Variants in FSTL5 observed in about 807,000 individuals in gnomAD.
FSTL5 encodes the protein follistatin like 5.
Under a neutral mutation model 89.1 loss-of-function variants are expected in FSTL5, and 62 were observed. The observed-to-expected ratio is 0.70, with a 90% CI of 0.57 to 0.86. FSTL5 has a LOEUF of 0.86. Among genes scored for constraint, FSTL5 ranks in the 40% least tolerant of loss-of-function variants. FSTL5 has a pLI of 0.00. For synonymous variants in FSTL5, 383 were observed against 346.2 expected, an observed-to-expected ratio of 1.11 and a Z score of -1.18; for missense variants, 1,057 against 1,001.6, an observed-to-expected ratio of 1.06 and a Z score of -0.75.
At chr4:162,141,585 T>C (rs1404921605) in intron 1 of FSTL5, among the ~76,000 whole-genome samples, 1 of 152,112 alleles carries the variant, frequency 6.6e-6, no homozygotes, top group African/African-American at 2.4e-5. Flanking sequence ...CTTCGTATTA[T>C]CCAGGCTTGG....
At chr4:162,050,809 T>C (rs1738354198) in intron 2 of FSTL5, among the ~76,000 whole-genome samples, 1 of 151,286 alleles carries the variant, frequency 6.6e-6, no homozygotes, top group South Asian at 2.1e-4. Context: ...GATGGGAAGA[T>C]ATAAATGTTA....
intron 6 of FSTL5, among the ~76,000 whole-genome samples, chr4:161,684,366 T>C (rs563881698): frequency 1.3e-5 from 2 of 152,184 alleles, no homozygotes; most frequent in African/African-American, 4.8e-5. Flanking sequence ...CTTTCCATAG[T>C]GGTTGTACTA....
chr4:161,912,517 G>T (rs1439617523), intron 4 of FSTL5, among the ~76,000 whole-genome samples: 2 of 152,012 alleles, frequency 1.3e-5, no homozygotes, highest in African/African-American at 2.4e-5. Context: ...TTCTCTTGCC[G>T]CTGCCATGTA....
At chr4:162,163,050 A>G (rs1456843395) in intron 1 of FSTL5, among the ~76,000 whole-genome samples, 2 of 152,138 alleles carry the variant, frequency 1.3e-5, no homozygotes, top group Non-Finnish European at 2.9e-5. Flanking sequence ...CTGCATAACA[A>G]CACATCTAAA....
At chr4:161,953,051 A>G (rs1734939632) in intron 3 of FSTL5, among the ~76,000 whole-genome samples, 1 of 151,746 alleles carries the variant, frequency 6.6e-6, no homozygotes, top group Non-Finnish European at 1.5e-5. Flanking sequence ...TTAGACATTT[A>G]TGTTCCTGAA....
chr4:161,712,850 C>T (rs1738846147), intron 6 of FSTL5, among the ~76,000 whole-genome samples: 1 of 151,682 alleles, frequency 6.6e-6, no homozygotes, highest in African/African-American at 2.4e-5. Context: ...CCCTCTCTCT[C>T]GTTCCCTTTC....
At position 161,753,636 on chromosome 4, in the gene FSTL5, G is replaced by A. The variant is rs116341009; in HGVS notation, c.727+5775C>T. 7.6e-3 allele frequency among the ~76,000 whole-genome samples: 1,152 copies of A among 152,112 alleles called. 7 individuals carry two copies. Among genetic ancestry groups the A allele is most frequent in the Non-Finnish European group, 0.011 (733 of 67,992 alleles). ...TGCTAATGTAATATTCATTTTTATT[G>A]TTCTAATTATTAGAAGCTTTCGATA... On this transcript the variant is annotated intron_variant, in intron 6 of 15. Transcript: ENST00000306100.
intron 2 of FSTL5, among the ~76,000 whole-genome samples, chr4:162,091,447 A>G (rs1730546453): frequency 2.6e-5 from 4 of 152,026 alleles, no homozygotes; most frequent in Admixed American, 2.6e-4. Flanking sequence ...AGTATACCCA[A>G]CTCAGTCTGA....
intron 2 of FSTL5, among the ~76,000 whole-genome samples, chr4:162,090,482 A>G (rs912026926): frequency 1.8e-4 from 27 of 152,132 alleles, no homozygotes; most frequent in Non-Finnish European, 1.6e-4. Context: ...CAAGCATGTG[A>G]AATAAAAGCT....
chr4:161,825,106 T>C (rs144879675), intron 4 of FSTL5, among the ~76,000 whole-genome samples: 7,153 of 152,310 alleles, frequency 0.047, 214 homozygotes, highest in Non-Finnish European at 0.07. Context: ...CATAAAGGGA[T>C]GCTGGATTTT....
At chr4:162,004,456 C>T (rs570540851) in intron 3 of FSTL5, among the ~76,000 whole-genome samples, 25 of 152,294 alleles carry the variant, frequency 1.6e-4, no homozygotes, top group Middle Eastern at 3.4e-3. Context: ...CTCCACTTCA[C>T]TCAAAATGAT....
chr4:161,556,846 G>GTATATATATATATATATATA (rs561942481), intron 8 of FSTL5, among the ~76,000 whole-genome samples: 3 of 142,668 alleles, frequency 2.1e-5, no homozygotes, highest in Non-Finnish European at 4.7e-5. Flanking sequence ...GTGTGTGTGT[G>GTATATATATATATATATATA]TATATATATA....
intron 4 of FSTL5, among the ~76,000 whole-genome samples, chr4:161,879,355 T>A (rs932518575): frequency 6.6e-6 from 1 of 152,178 alleles, no homozygotes. Context: ...TTTTCCTCAA[T>A]CTGCAAATTA....
chr4:161,805,864 TG>T (rs1363538053), intron 4 of FSTL5, among the ~76,000 whole-genome samples: 1 of 152,122 alleles, frequency 6.6e-6, no homozygotes. Flanking sequence ...TGGTTACCCA[TG>T]GTAAACCCTT....
chr4:162,148,205 C>G (rs1051331763), intron 1 of FSTL5, among the ~76,000 whole-genome samples: 1 of 152,068 alleles, frequency 6.6e-6, no homozygotes, highest in Non-Finnish European at 1.5e-5. Context: ...TTGAACCTTC[C>G]CATGTTAGGT....
intron 13 of FSTL5, among the ~76,000 whole-genome samples, chr4:161,460,930 T>G (rs989429566): frequency 2.7e-5 from 4 of 150,886 alleles, no homozygotes; most frequent in Admixed American, 1.3e-4. Flanking sequence ...GGCTTAAGAG[T>G]GGTCACATTG....
intron 4 of FSTL5, among the ~76,000 whole-genome samples, chr4:161,855,347 C>T (rs1459288436): frequency 2.6e-5 from 4 of 151,924 alleles, no homozygotes; most frequent in Non-Finnish European, 5.9e-5. Context: ...ATATTCAGGT[C>T]CATAGGAATA....
chr4:161,567,200 A>G (rs1732848182), intron 8 of FSTL5, among the ~76,000 whole-genome samples: 1 of 152,144 alleles, frequency 6.6e-6, no homozygotes, highest in Admixed American at 6.6e-5. Flanking sequence ...ATCATAAATT[A>G]CACACAATAA....
intron 4 of FSTL5, among the ~76,000 whole-genome samples, chr4:161,869,175 C>T (rs1013124675): frequency 6.6e-6 from 1 of 151,938 alleles, no homozygotes; most frequent in African/African-American, 2.4e-5. Context: ...TCAGCCTGGG[C>T]AACAGAACAA....
Sources: gnomAD v4.1 joint callset for allele counts (sites outside exome capture counted in the v4.1 genomes callset) on GRCh38, gnomAD v4.1.1 for gene constraint, MANE v1.5 for transcripts, NCBI Gene and HGNC (gene_info 2026-07-23, HGNC 2026-07-21) for gene names.